The following CORO1C variants were observed in gnomAD, a reference collection of about 807,000 sequenced individuals.
CORO1C encodes coronin 1C.
CORO1C carries 14 observed loss-of-function variants against 51.2 expected under a neutral mutation model. The observed-to-expected ratio is 0.27, with a 90% CI of 0.18 to 0.43. The LOEUF (loss-of-function observed/expected upper bound fraction) is 0.43, where lower values mean the gene tolerates loss of function less well. Among genes scored for constraint, CORO1C ranks in the 20% least tolerant of loss-of-function variants. The probability of loss-of-function intolerance (pLI) is 1.00; values close to 1 mark genes in which losing one functional copy is unlikely to be tolerated. For missense variants in CORO1C, 417 were observed against 607.8 expected, an observed-to-expected ratio of 0.69 and a Z score of 3.30; for synonymous variants, 181 against 210.5, an observed-to-expected ratio of 0.86 and a Z score of 1.21.
At chr12:108,722,158 C>A (rs762663352) in intron 1 of CORO1C, among the ~76,000 whole-genome samples, 1 of 152,140 alleles carries the variant, frequency 6.6e-6, no homozygotes, top group East Asian at 1.9e-4. Context: ...CAGTAAGGAA[C>A]CTCCTCTTTA....
chr12:108,708,476 T>C (rs1011806610), intron 1 of CORO1C, among the ~76,000 whole-genome samples: 1 of 151,992 alleles, frequency 6.6e-6, no homozygotes, highest in African/African-American at 2.4e-5. Flanking sequence ...TTTTTTTTTT[T>C]TCTGAGATGG....
At chr12:108,667,136 A>T (rs746302865) in intron 3 of CORO1C, among the ~76,000 whole-genome samples, 1 of 152,098 alleles carries the variant, frequency 6.6e-6, no homozygotes, top group Non-Finnish European at 1.5e-5. Flanking sequence ...TAATATGACC[A>T]CTATGACGCC....
intron 3 of CORO1C, among the ~76,000 whole-genome samples, chr12:108,666,164 G>A (rs1284234759): frequency 6.6e-6 from 1 of 152,210 alleles, no homozygotes; most frequent in East Asian, 1.9e-4. Context: ...TGAATATCCA[G>A]TCTCAAAATA....
At chr12:108,683,418 C>CAA (rs372937354) in intron 2 of CORO1C, among the ~76,000 whole-genome samples, 42 of 84,626 alleles carry the variant, frequency 5.0e-4, no homozygotes, top group South Asian at 1.4e-3. Flanking sequence ...GACTCTGTCT[C>CAA]AAAAAAAAAA....
intron 1 of CORO1C, among the ~76,000 whole-genome samples, chr12:108,709,416 T>A (rs2035118912): frequency 6.6e-6 from 1 of 152,226 alleles, no homozygotes; most frequent in Non-Finnish European, 1.5e-5. Context: ...CAGAATTTTA[T>A]GTTCTCCCAT....
At chr12:108,653,568 G>C (rs1244199947) in intron 7 of CORO1C, among the ~76,000 whole-genome samples, 2 of 152,096 alleles carry the variant, frequency 1.3e-5, no homozygotes, top group African/African-American at 2.4e-5. Context: ...AAGGGAAATT[G>C]AGCCTACAAG....
intron 1 of CORO1C, among the ~76,000 whole-genome samples, chr12:108,711,917 A>C (rs2136877120): frequency 6.6e-6 from 1 of 152,226 alleles, no homozygotes; most frequent in African/African-American, 2.4e-5. Context: ...CAGCAGATGT[A>C]CTTCTATGGT....
intron 3 of CORO1C, among the ~76,000 whole-genome samples, chr12:108,670,706 C>A: frequency 6.6e-6 from 1 of 151,838 alleles, no homozygotes; most frequent in Non-Finnish European, 1.5e-5. Context: ...CAAGGTTGAA[C>A]TCCAAAATTA....
chr12:108,704,630 G>A (rs1384557297), intron 1 of CORO1C, among the ~76,000 whole-genome samples: 1 of 152,228 alleles, frequency 6.6e-6, no homozygotes, highest in Non-Finnish European at 1.5e-5. Flanking sequence ...GCAGTGCTGT[G>A]CTGAGTCAGG....
At chr12:108,675,657 T>C (rs1488896190) in intron 3 of CORO1C, among the ~76,000 whole-genome samples, 2 of 152,206 alleles carry the variant, frequency 1.3e-5, no homozygotes, top group African/African-American at 2.4e-5. Context: ...CATTATCTTA[T>C]AAAATTTTAC....
intron 1 of CORO1C, among the ~76,000 whole-genome samples, chr12:108,719,514 C>T (rs929524013): frequency 2.6e-5 from 4 of 152,148 alleles, no homozygotes; most frequent in African/African-American, 9.7e-5. Context: ...TTAACTTACT[C>T]GGTCCTTGTC....
chr12:108,680,319 A>G (rs961981253), intron 2 of CORO1C, among the ~76,000 whole-genome samples: 18 of 152,182 alleles, frequency 1.2e-4, no homozygotes, highest in African/African-American at 4.3e-4. Flanking sequence ...CTGTTTACAG[A>G]CCTAAGGCCT....
chr12:108,728,385 A>C (rs983303525), intron 1 of CORO1C, among the ~76,000 whole-genome samples: 1 of 152,172 alleles, frequency 6.6e-6, no homozygotes, highest in African/African-American at 2.4e-5. Flanking sequence ...CACACATATA[A>C]ACCTTGAAAA....
At chr12:108,718,342 T>C (rs2035389710) in intron 1 of CORO1C, among the ~76,000 whole-genome samples, 1 of 148,104 alleles carries the variant, frequency 6.8e-6, no homozygotes, top group Non-Finnish European at 1.5e-5. Flanking sequence ...CACTCCAGCC[T>C]GGGCGACAAG....
chr12:108,657,076 A>T (rs570429101), intron 6 of CORO1C, among the ~76,000 whole-genome samples: 108 of 152,218 alleles, frequency 7.1e-4, no homozygotes, highest in Admixed American at 5.2e-3. Flanking sequence ...TTAAAAAAAT[A>T]AAAAATATAT....
intron 1 of CORO1C, among the ~76,000 whole-genome samples, chr12:108,721,260 TC>T (rs1429079289): frequency 1.3e-5 from 2 of 152,216 alleles, no homozygotes; most frequent in Non-Finnish European, 2.9e-5. Context: ...CCTATTATCA[TC>T]ACTTTCCATA....
At chr12:108,653,228 T>C (rs376424200) in intron 7 of CORO1C, among the ~76,000 whole-genome samples, 61 of 152,376 alleles carry the variant, frequency 4.0e-4, no homozygotes, top group African/African-American at 1.4e-3. Flanking sequence ...CATTTCTGCA[T>C]GCCCAAAAGA....
At position 108,700,937 on chromosome 12, in the gene CORO1C, T is replaced by C. The variant is rs1179691169; in HGVS notation, c.195+187A>G. 6.1e-6 allele frequency: 4 copies of C among 658,632 alleles called. No homozygotes were observed. In the Admixed American group the frequency reaches 8.2e-5, roughly 14 times the overall value. 40.8% of individuals were successfully genotyped at this position (658,632 alleles called of 1,614,324 possible). On this transcript the variant is annotated intron_variant, in intron 2 of 10. Transcript: ENST00000261401. ...GGCATCCCCAGAACAGAGGTCACTATTCTATTTAATGATTCTCTGTTAGAG... is the reference window on the plus strand; with the variant it reads ...GGCATCCCCAGAACAGAGGTCACTACTCTATTTAATGATTCTCTGTTAGAG...
At chr12:108,729,865 A>C (rs1369973409) in intron 1 of CORO1C, among the ~76,000 whole-genome samples, 2 of 152,198 alleles carry the variant, frequency 1.3e-5, no homozygotes, top group Non-Finnish European at 2.9e-5. Flanking sequence ...GCTTATACTT[A>C]ATCATGTTTC....
Sources: allele counts gnomAD v4.1 joint callset (sites outside exome capture counted in the v4.1 genomes callset), GRCh38; gene constraint gnomAD v4.1.1; transcripts MANE v1.5; gene names NCBI Gene and HGNC (gene_info 2026-07-23, HGNC 2026-07-21).